EZR: variants seen among roughly 807,000 people sequenced by gnomAD.
EZR encodes the protein ezrin.
In EZR, 40 loss-of-function variants were observed where a neutral mutation model predicts 74.8. The ratio of observed to expected loss-of-function variants is 0.53; its 90% CI spans 0.42 to 0.70. The LOEUF is 0.70. Ranked by LOEUF, EZR falls within the 30% of genes least tolerant of loss-of-function variation. The pLI is 0.00. For synonymous variants in EZR, 341 were observed against 283.3 expected, an observed-to-expected ratio of 1.20 and a Z score of -2.05; for missense variants, 678 against 755.8, an observed-to-expected ratio of 0.90 and a Z score of 1.21.
At chr6:158,781,829 T>C (rs745556167) in intron 7 of EZR, among the ~76,000 whole-genome samples, 3 of 151,512 alleles carry the variant, frequency 2.0e-5, no homozygotes, top group Non-Finnish European at 4.4e-5. Context: ...AGTGGCGCAA[T>C]CTTGGCTTAC....
chr6:158,806,753 G>A (rs1322387414), intron 2 of EZR, among the ~76,000 whole-genome samples: 2 of 151,978 alleles, frequency 1.3e-5, no homozygotes, highest in African/African-American at 2.4e-5. Context: ...GTTCAGCCAC[G>A]TTCTAAATAA....
intron 8 of EZR, among the ~76,000 whole-genome samples, chr6:158,774,467 G>C (rs528599770): frequency 6.6e-6 from 1 of 152,136 alleles, no homozygotes; most frequent in African/African-American, 2.4e-5. Context: ...CAGGGTAGGA[G>C]CTTTGCCTTG....
chr6:158,769,036 G>A (rs1018354599), intron 12 of EZR, among the ~76,000 whole-genome samples: 3 of 152,172 alleles, frequency 2.0e-5, no homozygotes, highest in Admixed American at 6.5e-5. Context: ...TGAACAGTTC[G>A]GGGTGGAGGG....
Position 158,769,369 on chromosome 6 carries a change from G to A in EZR, c.1301C>T (p.Ala434Val), listed in dbSNP as rs372349918. The change falls in exon 12 of 14, where the codon GCG (alanine) becomes GTG (valine). Residue 434 changes from alanine (A) to valine (V), a missense_variant. Physicochemically the swap from Ala to Val is moderately conservative, Grantham distance 64 (BLOSUM62 0). Coordinates refer to ENST00000367075, the MANE Select transcript of EZR (RefSeq NM_001111077.2). ...YTAKIALLEE[A>V]RRRKEDEVEE... ...AACTTCATCCTCCTTGCGCCTCCGC[G>A]CCTCTTCCAGGAGGGCAATCTTGGC... 1.6e-5 allele frequency: 26 copies of A among 1,609,200 alleles called. No individual in the cohort carries two copies. The highest frequency in any genetic ancestry group is 9.3e-5 in the African/African-American group (7 of 74,928).
At chr6:158,784,273 T>C (rs1791507444) in intron 6 of EZR, among the ~76,000 whole-genome samples, 1 of 152,262 alleles carries the variant, frequency 6.6e-6, no homozygotes, top group Non-Finnish European at 1.5e-5. Context: ...TTCATTTATA[T>C]ACACTTTGTA....
intron 2 of EZR, among the ~76,000 whole-genome samples, chr6:158,804,241 A>G (rs1777279574): frequency 6.6e-6 from 1 of 152,164 alleles, no homozygotes. Context: ...CTAACAGGGA[A>G]GTAAACTGGA....
At chr6:158,806,449 C>T (rs1777341247) in intron 2 of EZR, among the ~76,000 whole-genome samples, 1 of 151,356 alleles carries the variant, frequency 6.6e-6, no homozygotes, top group Non-Finnish European at 1.5e-5. Flanking sequence ...TCAGCTTCAA[C>T]ACCATTCTTT....
chr6:158,803,569 A>T (rs1156945228), intron 2 of EZR, among the ~76,000 whole-genome samples: 1 of 5,430 alleles, frequency 1.8e-4, no homozygotes, highest in Non-Finnish European at 3.9e-4. Context: ...ATATATATAT[A>T]TATATATATA....
At chr6:158,810,319 C>T (rs1045665817) in intron 2 of EZR, among the ~76,000 whole-genome samples, 1 of 152,184 alleles carries the variant, frequency 6.6e-6, no homozygotes, top group Non-Finnish European at 1.5e-5. Flanking sequence ...CTGACCACTG[C>T]TGACTGGGAA....
At position 158,791,706 on chromosome 6, in the gene EZR, AT is replaced by A. The variant is rs57581855; in HGVS notation, c.13-2336del. Among the ~76,000 whole-genome samples, 190 of 96,248 alleles carry A rather than the reference AT, an allele frequency of 2.0e-3. 2 individuals are homozygous for A. The highest frequency in any genetic ancestry group is 5.8e-3 in the Middle Eastern group (1 of 172). The allele number at this position is 96,248 out of a possible 152,430, so 63.1% of individuals were successfully genotyped here. A position where few individuals can be genotyped will look rare whatever the true frequency, so the allele number is the denominator to read the frequency against. ...CCATGCACACGAGATTTCAGACTCC[AT>A]TTTTTTTTTTTTTTTTTTTGAGACA... On this transcript the variant is annotated intron_variant, in intron 2 of 13. Coordinates refer to ENST00000367075, the MANE Select transcript of EZR (RefSeq NM_001111077.2).
intron 2 of EZR, among the ~76,000 whole-genome samples, chr6:158,817,397 GGCACA>G (rs1205566861): frequency 6.6e-6 from 1 of 152,224 alleles, no homozygotes; most frequent in Non-Finnish European, 1.5e-5. Flanking sequence ...CAGAGGCGCA[GGCACA>G]GCCCTTTCAT....
At chr6:158,787,297 T>A (rs1791609814) in intron 3 of EZR, 94 bp from the exon 4 acceptor site, 1 of 980,066 alleles carries the variant, frequency 1.0e-6, no homozygotes, top group South Asian at 1.5e-5. Context: ...TCTAGCAGAG[T>A]CCCCAGGAAA....
At chr6:158,795,155 G>A (rs892604988) in intron 2 of EZR, among the ~76,000 whole-genome samples, 2 of 152,126 alleles carry the variant, frequency 1.3e-5, no homozygotes, top group Non-Finnish European at 2.9e-5. Context: ...AGGAGGCTGA[G>A]GAGAGAGAAT....
intron 5 of EZR, 57 bp from the exon 6 acceptor site, chr6:158,784,784 G>A: frequency 6.8e-7 from 1 of 1,464,254 alleles, no homozygotes; most frequent in Non-Finnish European, 9.6e-7. Flanking sequence ...AGGCAAGGAA[G>A]GAGGCCCACT....
chr6:158,818,333 C>A (rs1311624014), intron 1 of EZR, 167 bp from the exon 2 acceptor site: 8 of 249,784 alleles, frequency 3.2e-5, no homozygotes, highest in Non-Finnish European at 6.0e-5. Flanking sequence ...GGGGCACGGG[C>A]GGGGCGGGGC....
intron 2 of EZR, among the ~76,000 whole-genome samples, chr6:158,800,595 G>C (rs939049293): frequency 3.2e-4 from 49 of 152,218 alleles, no homozygotes; most frequent in African/African-American, 1.0e-3. Context: ...GAGACCAGCA[G>C]TTCGAGACCA....
At chr6:158,772,071 TTC>T (rs769111058) in intron 8 of EZR, among the ~76,000 whole-genome samples, 10 of 152,132 alleles carry the variant, frequency 6.6e-5, no homozygotes, top group Admixed American at 2.6e-4. Flanking sequence ...GTGCACTCGG[TTC>T]TCTCTCCTCA....
chr6:158,817,143 CAA>C (rs1007017239), intron 2 of EZR, among the ~76,000 whole-genome samples: 3 of 150,652 alleles, frequency 2.0e-5, no homozygotes, highest in Admixed American at 2.0e-4. Flanking sequence ...TTTGAAAAAC[CAA>C]AAAAAAATTC....
intron 2 of EZR, among the ~76,000 whole-genome samples, chr6:158,797,408 G>C (rs774967132): frequency 7.2e-5 from 11 of 152,182 alleles, no homozygotes; most frequent in Non-Finnish European, 1.3e-4. Context: ...AGTGGATTCA[G>C]TGGTTAACAG....
Sources: gnomAD v4.1 joint callset for allele counts (sites outside exome capture counted in the v4.1 genomes callset) on GRCh38, gnomAD v4.1.1 for gene constraint, MANE v1.5 for transcripts, NCBI Gene and HGNC (gene_info 2026-07-23, HGNC 2026-07-21) for gene names.